TPH2: variants seen among roughly 807,000 people sequenced by gnomAD.
The protein encoded by TPH2 is tryptophan 5-hydroxylase 2.
In TPH2, 27 loss-of-function variants were observed where a neutral mutation model predicts 59.1. That is an observed-to-expected ratio of 0.46 (90% CI 0.34 to 0.63). TPH2 has a LOEUF of 0.63. Ranked by LOEUF, TPH2 falls within the 30% of genes least tolerant of loss-of-function variation. The probability of loss-of-function intolerance (pLI) is 0.01; values close to 1 mark genes in which losing one functional copy is unlikely to be tolerated. For synonymous variants in TPH2, 220 were observed against 210.5 expected (o/e 1.05, Z -0.39); for missense variants, 523 against 588.3 (o/e 0.89, Z 1.15).
intron 8 of TPH2, among the ~76,000 whole-genome samples, chr12:71,998,358 G>GGAGGAGGATAACCTCACACAGTGT (rs1393672808): frequency 6.6e-6 from 1 of 152,128 alleles, no homozygotes; most frequent in African/African-American, 2.4e-5. Flanking sequence ...TGGAGAGTAT[G>GGAGGAGGATAACCTCACACAGTGT]GAGGAGGATA....
chr12:71,972,676 A>C lies in TPH2; in HGVS notation c.766A>C (p.Asn256His). 6.2e-7 allele frequency: 1 copy of C among 1,614,154 alleles called. No individual in the cohort carries two copies. The highest frequency in any genetic ancestry group is 1.1e-5 in the South Asian group (1 of 91,086). ...LTKYCGYREDNVPQLEDVSMF... is the reference protein window; with the variant it reads ...LTKYCGYREDHVPQLEDVSMF... ...TAAATACTGTGGCTACAGAGAGGACAATGTGCCTCAACTCGAAGATGTCTC... is the reference window on the plus strand; with the variant it reads ...TAAATACTGTGGCTACAGAGAGGACCATGTGCCTCAACTCGAAGATGTCTC... Residue 256 changes from asparagine to histidine, a missense_variant, in exon 6 of 11, where the codon AAT (asparagine) becomes CAT (histidine). By Grantham distance (68) the Asn-to-His change is moderately conservative. Coordinates refer to ENST00000333850, the MANE Select transcript of TPH2 (RefSeq NM_173353.4).
chr12:71,958,652 C>G (rs949099147), intron 5 of TPH2, among the ~76,000 whole-genome samples: 1 of 152,142 alleles, frequency 6.6e-6, no homozygotes, highest in Non-Finnish European at 1.5e-5. Flanking sequence ...CTCCCAGGCC[C>G]CATGCTATTC....
intron 5 of TPH2, chr12:71,962,557 T>C (rs924653730): frequency 1.0e-6 from 1 of 985,180 alleles, no homozygotes; most frequent in Non-Finnish European, 1.2e-6. Flanking sequence ...TTTGTTACAA[T>C]CCTGAATCTT....
chr12:71,959,800 G>GT (rs147373766), intron 5 of TPH2, among the ~76,000 whole-genome samples: 2 of 152,000 alleles, frequency 1.3e-5, no homozygotes, highest in African/African-American at 4.8e-5. Flanking sequence ...AACTTAATTG[G>GT]GGGGGGCGTT....
intron 7 of TPH2, among the ~76,000 whole-genome samples, chr12:71,992,045 A>G (rs1161112953): frequency 2.0e-5 from 3 of 152,188 alleles, no homozygotes; most frequent in Non-Finnish European, 2.9e-5. Flanking sequence ...GGGCTTAGCC[A>G]TTCGGTATTT....
chr12:71,967,893 C>T (rs1795151508), intron 5 of TPH2, among the ~76,000 whole-genome samples: 1 of 152,164 alleles, frequency 6.6e-6, no homozygotes, highest in Non-Finnish European at 1.5e-5. Context: ...ATATTAATCT[C>T]AAACTTGATT....
At chr12:72,006,792 C>T (rs866010534) in intron 8 of TPH2, among the ~76,000 whole-genome samples, 11 of 152,216 alleles carry the variant, frequency 7.2e-5, no homozygotes, top group Middle Eastern at 3.4e-3. Flanking sequence ...AGTTACTTAA[C>T]CTCTCTGTGC....
intron 8 of TPH2, among the ~76,000 whole-genome samples, chr12:72,004,871 T>C (rs1183620010): frequency 1.3e-5 from 2 of 152,170 alleles, no homozygotes; most frequent in Non-Finnish European, 1.5e-5. Flanking sequence ...TTCTGAACTG[T>C]GATATAAAAA....
intron 5 of TPH2, among the ~76,000 whole-genome samples, chr12:71,954,871 C>T (rs896962431): frequency 3.3e-5 from 5 of 151,896 alleles, no homozygotes; most frequent in Non-Finnish European, 7.4e-5. Context: ...TTATTTCAAT[C>T]CATCTTATTC....
At position 71,963,176 on chromosome 12, in the gene TPH2, G is replaced by A. The variant is rs1475052598; in HGVS notation, c.609-9343G>A. The stretch of plus-strand genomic sequence containing the variant: ...ATTTTACTTTTTGCTTTTTTGCCCC[G>A]GGCATTACTGATAATATTTTATCAT... On this transcript the variant is annotated intron_variant, in intron 5 of 10. Coordinates refer to ENST00000333850, the MANE Select transcript of TPH2 (RefSeq NM_173353.4). 1.8e-4 allele frequency among the ~76,000 whole-genome samples: 9 copies of A among 51,158 alleles called. 4 individuals carry two copies. The East Asian group carries it at 2.6e-3, about 15-fold the overall frequency. The allele number at this position is 51,158 out of a possible 152,430, so 33.6% of individuals were successfully genotyped here.
chr12:72,000,909 A>C lies in TPH2; in HGVS notation c.1068+6344A>C, dbSNP rs114439725. ...TTTACTGATCAGATGAATTTAGGAA[A>C]TAGTCCCTGAAATATATTGATTTCT... On this transcript the variant is annotated intron_variant, in intron 8 of 10. Coordinates refer to ENST00000333850, the MANE Select transcript of TPH2 (RefSeq NM_173353.4). Among the ~76,000 whole-genome samples, 1,241 of 152,376 alleles carry C rather than the reference A, an allele frequency of 8.1e-3. 18 individuals carry two copies. The highest frequency in any genetic ancestry group is 0.028 in the African/African-American group (1,177 of 41,588).
chr12:71,994,968 GTGC>G (rs147069565), intron 8 of TPH2, among the ~76,000 whole-genome samples: 29,291 of 152,016 alleles, frequency 0.19, 3,249 homozygotes, highest in East Asian at 0.35. Context: ...TTTAGCCTGT[GTGC>G]TGTGGTTTGC....
At chr12:72,030,695 T>A (rs1873696389) in intron 9 of TPH2, among the ~76,000 whole-genome samples, 1 of 152,116 alleles carries the variant, frequency 6.6e-6, no homozygotes, top group Non-Finnish European at 1.5e-5. Flanking sequence ...TGGTGGAAGG[T>A]AAATGAATGC....
intron 5 of TPH2, among the ~76,000 whole-genome samples, chr12:71,969,522 A>T (rs975812798): frequency 6.6e-5 from 10 of 152,122 alleles, no homozygotes; most frequent in African/African-American, 2.4e-4. Flanking sequence ...CCCCAAACAC[A>T]TGTTTGTTTT....
At chr12:71,962,645 T>C in intron 5 of TPH2, 1 of 985,424 alleles carries the variant, frequency 1.0e-6, no homozygotes, top group Non-Finnish European at 1.2e-6. Flanking sequence ...ATAACTATTT[T>C]TTCCCTAACA....
chr12:71,958,992 G>C (rs577179274), intron 5 of TPH2, among the ~76,000 whole-genome samples: 4 of 151,918 alleles, frequency 2.6e-5, no homozygotes, highest in African/African-American at 9.7e-5. Context: ...CAGAGAGACA[G>C]AGAATTTTCT....
At chr12:71,962,301 A>G (rs1871708270) in intron 5 of TPH2, 12 of 985,442 alleles carry the variant, frequency 1.2e-5, no homozygotes, top group Non-Finnish European at 1.4e-5. Context: ...AGCCTTGGAA[A>G]TGTTTTTGAA....
At chr12:71,947,328 G>A (rs774695585) in intron 4 of TPH2, among the ~76,000 whole-genome samples, 6 of 151,858 alleles carry the variant, frequency 4.0e-5, no homozygotes, top group Non-Finnish European at 5.9e-5. Flanking sequence ...GACCTATTTG[G>A]GGTAGCTAAT....
chr12:71,941,796 A>G (rs1871077546), intron 2 of TPH2, 63 bp downstream of exon 2: 4 of 1,497,614 alleles, frequency 2.7e-6, no homozygotes, highest in African/African-American at 2.8e-5. Flanking sequence ...CAAACCTGTT[A>G]TCTGCTATGA....
Sources: gnomAD v4.1 joint callset for allele counts (sites outside exome capture counted in the v4.1 genomes callset) on GRCh38, gnomAD v4.1.1 for gene constraint, MANE v1.5 for transcripts, NCBI Gene and HGNC (gene_info 2026-07-23, HGNC 2026-07-21) for gene names.